Variants in NCOR2 observed in about 807,000 individuals in gnomAD.
The protein encoded by NCOR2 is CTG repeat protein 26.
A neutral mutation model predicts 262.9 loss-of-function variants in NCOR2; 81 were observed. The observed-to-expected ratio is 0.31, with a 90% CI of 0.26 to 0.37. The LOEUF (loss-of-function observed/expected upper bound fraction) is 0.37. Among genes scored for constraint, NCOR2 ranks in the 10% least tolerant of loss-of-function variants. The pLI, the probability that NCOR2 is intolerant of heterozygous loss-of-function variation, is 1.00. For synonymous variants in NCOR2, 1,659 were observed against 1,559.3 expected (o/e 1.06, Z -1.51); for missense variants, 3,385 against 3,621.4 (o/e 0.93, Z 1.68).
At chr12:124,500,466 C>A (rs1482179270) in intron 1 of NCOR2, among the ~76,000 whole-genome samples, 2 of 152,258 alleles carry the variant, frequency 1.3e-5, no homozygotes, top group Admixed American at 1.3e-4. Context: ...GTTTCCAAAT[C>A]CACAGCGGAA....
chr12:124,528,223 G>A (rs117645397), intron 1 of NCOR2, among the ~76,000 whole-genome samples: 4 of 152,156 alleles, frequency 2.6e-5, no homozygotes, highest in Non-Finnish European at 4.4e-5. Flanking sequence ...ACTATGAGAC[G>A]GAAGGAGACA....
At chr12:124,437,260 C>G (rs562385362) in intron 8 of NCOR2, among the ~76,000 whole-genome samples, 2 of 152,320 alleles carry the variant, frequency 1.3e-5, no homozygotes, top group African/African-American at 4.8e-5. Flanking sequence ...CTTCCCCTGA[C>G]AGCTGGGAGA....
At chr12:124,351,744 T>C (rs968331055) in intron 27 of NCOR2, among the ~76,000 whole-genome samples, 1 of 23,136 alleles carries the variant, frequency 4.3e-5, no homozygotes, top group African/African-American at 1.8e-4. Context: ...GAGCCTCAGT[T>C]TGCACATCCA....
At chr12:124,537,431 G>T, upstream of NCOR2, among the ~76,000 whole-genome samples, 1 of 152,204 alleles carries the variant, frequency 6.6e-6, no homozygotes, top group East Asian at 1.9e-4. Context: ...GAGCAGCTGT[G>T]TGCAGTGCTC....
Position 124,531,183 on chromosome 12 carries a change from T to G in NCOR2, c.-118+4382A>C, listed in dbSNP as rs148385273. On this transcript the variant is annotated intron_variant, in intron 1 of 46. Coordinates refer to the NCOR2 transcript ENST00000404621. The surrounding 1 kb of genome is among the most constrained non-coding windows in gnomAD (Gnocchi z 4.5). ...CGTCTGGGAGGCATCCACCAACTCATGCTGAACAACAGTCCAGCCAGAGCC... is the reference window on the plus strand; with the variant it reads ...CGTCTGGGAGGCATCCACCAACTCAGGCTGAACAACAGTCCAGCCAGAGCC... Among the ~76,000 whole-genome samples the G allele has an allele frequency of 7.1e-3, 1,086 of 152,224 alleles. 7 individuals are homozygous for G. The highest frequency in any genetic ancestry group is 0.013 in the Non-Finnish European group (850 of 67,998).
chr12:124,524,533 G>A (rs1055851246), intron 1 of NCOR2, among the ~76,000 whole-genome samples: 1 of 152,184 alleles, frequency 6.6e-6, no homozygotes, highest in Non-Finnish European at 1.5e-5. Flanking sequence ...GGCCCGCATG[G>A]AAGGAGGCAC....
At chr12:124,495,319 T>A, upstream of NCOR2, 1 of 1,523,852 alleles carries the variant, frequency 6.6e-7, no homozygotes, top group Non-Finnish European at 8.8e-7. The surrounding 1 kb of genome is among the most constrained non-coding windows in gnomAD (Gnocchi z 4.4). Context: ...CCACCAAGGA[T>A]TAAAAGCCAG....
chr12:124,355,875 T>G (rs2037912112), intron 23 of NCOR2, among the ~76,000 whole-genome samples: 1 of 152,094 alleles, frequency 6.6e-6, no homozygotes, highest in Non-Finnish European at 1.5e-5. Flanking sequence ...CCCCTTCCCC[T>G]TATAGGAACC....
At chr12:124,560,858 T>C (rs11057673) in intron 1 of NCOR2, among the ~76,000 whole-genome samples, 2,497 of 152,326 alleles carry the variant, frequency 0.016, 28 homozygotes, top group Non-Finnish European at 0.027. Flanking sequence ...CCAAAGCAAC[T>C]GGCAGAGTTT....
chr12:124,489,152 A>C (rs1324773018), intron 1 of NCOR2, among the ~76,000 whole-genome samples: 1 of 151,948 alleles, frequency 6.6e-6, no homozygotes. Context: ...AACTGACCTG[A>C]GGTGGAGCCC....
intron 44 of NCOR2, 71 bp from the exon 47 acceptor site, chr12:124,327,704 G>C (rs1279658596): frequency 8.2e-6 from 9 of 1,099,832 alleles, no homozygotes; most frequent in Non-Finnish European, 1.2e-5. Context: ...GGGCGACAGA[G>C]AGAGAGAAGG....
At chr12:124,333,897 C>CGCGTGTGTGTGTGT (rs2035559995) in intron 41 of NCOR2, among the ~76,000 whole-genome samples, 5 of 123,618 alleles carry the variant, frequency 4.0e-5, no homozygotes, top group African/African-American at 1.4e-4. Flanking sequence ...TGTGTGTGTG[C>CGCGTGTGTGTGTGT]GCGCGCATGT....
chr12:124,387,484 G>A (rs1364466285), intron 16 of NCOR2, among the ~76,000 whole-genome samples: 1 of 152,214 alleles, frequency 6.6e-6, no homozygotes, highest in East Asian at 1.9e-4. Flanking sequence ...AAGCTTAGAG[G>A]ACCAGCCAAG....
chr12:124,333,462 T>A (rs1169021216), intron 41 of NCOR2, among the ~76,000 whole-genome samples, 183 bp from the exon 44 acceptor site: 2 of 152,168 alleles, frequency 1.3e-5, no homozygotes, highest in East Asian at 3.8e-4. Flanking sequence ...ATTTTTTTTT[T>A]AAACAACCCT....
chr12:124,413,529 G>A (rs1216783885), intron 13 of NCOR2, among the ~76,000 whole-genome samples: 1 of 152,176 alleles, frequency 6.6e-6, no homozygotes, highest in Non-Finnish European at 1.5e-5. Context: ...CCTGCGAGCG[G>A]CCTCTGTCCT....
chr12:124,480,940 G>T (rs867583803), intron 3 of NCOR2, among the ~76,000 whole-genome samples: 2 of 151,504 alleles, frequency 1.3e-5, no homozygotes, highest in African/African-American at 4.9e-5. Context: ...GGTGAGGGGC[G>T]GCTGGGAGGT....
chr12:124,554,272 A>G (rs1275678764), intron 1 of NCOR2, among the ~76,000 whole-genome samples: 1 of 152,154 alleles, frequency 6.6e-6, no homozygotes, highest in Non-Finnish European at 1.5e-5. Context: ...AAAAAATCAC[A>G]CAGCAATCTG....
At chr12:124,382,646 G>A (rs1031210069) in intron 17 of NCOR2, among the ~76,000 whole-genome samples, 4 of 152,150 alleles carry the variant, frequency 2.6e-5, no homozygotes, top group Admixed American at 6.5e-5. Context: ...CTCCCTCCAC[G>A]GTCCACTAAC....
At chr12:124,518,455 A>C (rs2137068751) in intron 1 of NCOR2, among the ~76,000 whole-genome samples, 1 of 152,204 alleles carries the variant, frequency 6.6e-6, no homozygotes, top group African/African-American at 2.4e-5. Context: ...GATGCCCCCC[A>C]AACCCGGGCA....
Sources: gnomAD v4.1 joint callset for allele counts (sites outside exome capture counted in the v4.1 genomes callset) on GRCh38, gnomAD v4.1.1 for gene constraint, Gnocchi (gnomAD v3.1) non-coding constraint, MANE v1.5 for transcripts, NCBI Gene and HGNC (gene_info 2026-07-23, HGNC 2026-07-21) for gene names.